Variants in EIPR1 observed in about 807,000 individuals in gnomAD.
EIPR1 encodes the protein EARP complex and GARP complex interacting protein 1.
Under a neutral mutation model 48.1 loss-of-function variants are expected in EIPR1, and 25 were observed. The ratio of observed to expected loss-of-function variants is 0.52; its 90% CI spans 0.38 to 0.73. The LOEUF (loss-of-function observed/expected upper bound fraction) is 0.73, where lower values mean the gene tolerates loss of function less well. Ranked by LOEUF, EIPR1 falls within the 30% of genes least tolerant of loss-of-function variation. The pLI, the probability that EIPR1 is intolerant of heterozygous loss-of-function variation, is 0.00. For missense variants in EIPR1, 415 were observed against 506.2 expected (o/e 0.82, Z 1.73); for synonymous variants, 204 against 201.9 (o/e 1.01, Z -0.09).
rs994987620 is a variant in EIPR1 at position 3,257,417 on chromosome 2, T to C, written c.298A>G (p.Arg100Gly). ...CCTGATTCCAATTCCTTCGGCATCCTCCACACGGCTGCACATGTCAGGACT... is the reference window on the plus strand; with the variant it reads ...CCTGATTCCAATTCCTTCGGCATCCCCCACACGGCTGCACATGTCAGGACT... ...SKVLTCAAVW[R>G]MPKELESGSH... Residue 100 changes from arginine (R) to glycine (G), a missense_variant, in exon 4 of 9, where the codon AGG becomes GGG. Arg to Gly is a moderately radical substitution (Grantham distance 125, BLOSUM62 -2). Coordinates refer to ENST00000382125, the MANE Select transcript of EIPR1 (RefSeq NM_003310.5). The C allele has an allele frequency of 6.2e-7, 1 of 1,614,194 alleles. No homozygotes were observed. The highest frequency in any genetic ancestry group is 8.5e-7 in the Non-Finnish European group (1 of 1,180,040).
chr2:3,354,537 C>A lies in EIPR1; in HGVS notation c.126+13G>T. ...TAGTAATTATCATGTATACATTTGT[C>A]AAAAATAGTTACCTGATTATCATAT... On this transcript the variant is annotated intron_variant, in intron 2 of 8. Transcript: ENST00000382125. The A allele has an allele frequency of 1.2e-6, 2 of 1,612,150 alleles. No individual in the cohort carries two copies. The highest frequency in any genetic ancestry group is 2.2e-5 in the South Asian group (2 of 90,922).
At chr2:3,225,982 A>G (rs916099190) in intron 4 of EIPR1, among the ~76,000 whole-genome samples, 3 of 152,238 alleles carry the variant, frequency 2.0e-5, no homozygotes, top group Non-Finnish European at 4.4e-5. Context: ...CTTTGTAAAG[A>G]CTGAACAATA....
At chr2:3,328,205 C>T (rs922314333) in intron 3 of EIPR1, among the ~76,000 whole-genome samples, 3 of 152,206 alleles carry the variant, frequency 2.0e-5, no homozygotes, top group Non-Finnish European at 2.9e-5. Flanking sequence ...CTACCTCAGA[C>T]GGGAAGCACA....
chr2:3,284,432 C>G (rs115473767), intron 3 of EIPR1, among the ~76,000 whole-genome samples: 2,451 of 120,000 alleles, frequency 0.02, 67 homozygotes, highest in African/African-American at 0.074. Context: ...CGGAGGCCAC[C>G]CACAGGCACA....
chr2:3,195,809 G>A (rs1393614388), intron 6 of EIPR1, among the ~76,000 whole-genome samples: 1 of 152,156 alleles, frequency 6.6e-6, no homozygotes, highest in African/African-American at 2.4e-5. Context: ...AAGGCGCCAG[G>A]ACCCTCTGTG....
chr2:3,266,721 G>C (rs1667501061), intron 3 of EIPR1, among the ~76,000 whole-genome samples: 1 of 152,216 alleles, frequency 6.6e-6, no homozygotes, highest in African/African-American at 2.4e-5. Flanking sequence ...CTGGCCGTGA[G>C]CTCCAGAGAC....
intron 2 of EIPR1, among the ~76,000 whole-genome samples, chr2:3,348,288 G>A (rs951038339): frequency 2.0e-5 from 3 of 152,152 alleles, no homozygotes; most frequent in African/African-American, 2.4e-5. Flanking sequence ...ATGCTTCCAT[G>A]TTAGAAGAGG....
intron 5 of EIPR1, among the ~76,000 whole-genome samples, chr2:3,212,522 A>T (rs1665492194): frequency 6.6e-6 from 1 of 152,182 alleles, no homozygotes; most frequent in Admixed American, 6.5e-5. Flanking sequence ...GCCTACCGTG[A>T]GCCTGGCATT....
At chr2:3,265,170 T>C (rs1667449772) in intron 3 of EIPR1, among the ~76,000 whole-genome samples, 1 of 27,648 alleles carries the variant, frequency 3.6e-5, no homozygotes, top group Non-Finnish European at 6.6e-5. Flanking sequence ...GAAACCACCC[T>C]GAGGAAGACC....
chr2:3,365,998 G>A (rs530756200), intron 1 of EIPR1, among the ~76,000 whole-genome samples: 9 of 69,048 alleles, frequency 1.3e-4, no homozygotes, highest in East Asian at 4.7e-4. Context: ...CAGCCACCCC[G>A]TCCGAGAGAA....
rs115962598 is a variant in EIPR1, at chr2:3,208,600, T to G, written c.516+5549A>C. ...ATTACCCTCTCCAAAGTGAGCTCAC[T>G]GAGTGTCTGTTGAATGAATTTGGCC... On this transcript the variant is annotated intron_variant, in intron 5 of 8. Transcript: ENST00000382125. The G allele has an allele frequency of 4.1e-3, 6,310 of 1,550,636 alleles. 215 individuals are homozygous for G. In the African/African-American group the frequency reaches 0.073, roughly 18 times the overall value.
chr2:3,284,223 G>A (rs1460448085), intron 3 of EIPR1, among the ~76,000 whole-genome samples: 13 of 133,592 alleles, frequency 9.7e-5, no homozygotes, highest in South Asian at 5.0e-4. Flanking sequence ...GCCGGAGGCC[G>A]CCCACAGGCA....
rs1421422664 is a variant in EIPR1 at position 3,189,012 on chromosome 2, AAAG to A, written c.*319_*321del. 1 of 224,632 alleles carries A rather than the reference AAAG, an allele frequency of 4.5e-6. No individual in the cohort carries two copies. Among genetic ancestry groups the A allele is most frequent in the African/African-American group, 2.3e-5 (1 of 44,294 alleles). 13.9% of individuals were successfully genotyped at this position (224,632 alleles called of 1,614,324 possible). A position where few individuals can be genotyped will look rare whatever the true frequency, so the allele number is the denominator to read the frequency against. On this transcript the variant is annotated 3_prime_UTR_variant, in exon 9 of 9. Transcript: ENST00000382125. This position sits in a 1 kb window ranked among gnomAD's most constrained non-coding sequence, Gnocchi z 4.6. Reference sequence around the variant, plus strand: ...TTATTTCATTTTTTACTCTCAAGAGAAAGAAGAGTTACTATTGCAGGAACAGAC... The same window carrying A: ...TTATTTCATTTTTTACTCTCAAGAGAAAGAGTTACTATTGCAGGAACAGAC...
At chr2:3,222,965 G>C (rs1665945722) in intron 4 of EIPR1, among the ~76,000 whole-genome samples, 1 of 152,248 alleles carries the variant, frequency 6.6e-6, no homozygotes, top group East Asian at 1.9e-4. Context: ...CTTGTTAAGA[G>C]ATAAATGTCA....
intron 2 of EIPR1, chr2:3,353,306 T>C: frequency 2.1e-6 from 1 of 471,156 alleles, no homozygotes; most frequent in Non-Finnish European, 4.4e-6. Flanking sequence ...TTTGGCCTAT[T>C]TCCTTCCAGT....
chr2:3,267,131 G>C (rs7580438), intron 3 of EIPR1, among the ~76,000 whole-genome samples: 3 of 152,192 alleles, frequency 2.0e-5, no homozygotes, highest in African/African-American at 7.2e-5. Flanking sequence ...CACCTCAGAG[G>C]GCCCAGTGGG....
At chr2:3,332,655 C>T (rs776527668) in intron 3 of EIPR1, among the ~76,000 whole-genome samples, 26 of 152,208 alleles carry the variant, frequency 1.7e-4, no homozygotes, top group Non-Finnish European at 2.9e-4. Context: ...ACCCTGGGCA[C>T]AGTCCCTCAT....
chr2:3,198,203 A>G (rs2103110611), intron 5 of EIPR1, among the ~76,000 whole-genome samples: 1 of 152,330 alleles, frequency 6.6e-6, no homozygotes, highest in Middle Eastern at 3.4e-3. Flanking sequence ...TTCTGGAAAG[A>G]GCGCACTGGC....
intron 5 of EIPR1, among the ~76,000 whole-genome samples, chr2:3,204,909 T>C (rs1313155907): frequency 2.0e-5 from 3 of 151,828 alleles, no homozygotes; most frequent in Non-Finnish European, 2.9e-5. Flanking sequence ...CAGACCCTAC[T>C]ACATGTAGGA....
Sources: allele counts gnomAD v4.1 joint callset (sites outside exome capture counted in the v4.1 genomes callset), GRCh38; gene constraint gnomAD v4.1.1; non-coding constraint Gnocchi (gnomAD v3.1); transcripts MANE v1.5; gene names NCBI Gene and HGNC (gene_info 2026-07-23, HGNC 2026-07-21).